AGTRAP: variants seen among roughly 807,000 people sequenced by gnomAD.
AGTRAP encodes the protein type-1 angiotensin II receptor-associated protein.
Under a neutral mutation model 15.2 loss-of-function variants are expected in AGTRAP, and 7 were observed. That is an observed-to-expected ratio of 0.46 (90% confidence interval 0.26 to 0.87). The LOEUF (loss-of-function observed/expected upper bound fraction) is 0.87. Ranked by LOEUF, AGTRAP falls within the 40% of genes least tolerant of loss-of-function variation. The probability of loss-of-function intolerance (pLI) is 0.15; values close to 1 mark genes in which losing one functional copy is unlikely to be tolerated. For missense variants in AGTRAP, 187 were observed against 213.4 expected (o/e 0.88, Z 0.77); for synonymous variants, 74 against 89.6 (o/e 0.83, Z 0.98).
chr1:11,736,608 C>G (rs1003278959), intron 1 of AGTRAP, among the ~76,000 whole-genome samples: 3 of 152,236 alleles, frequency 2.0e-5, no homozygotes, highest in Admixed American at 1.3e-4. Context: ...TCACCTCCCC[C>G]GCGCGGGGTC....
chr1:11,746,389 C>T, intron 2 of AGTRAP: 1 of 614,702 alleles, frequency 1.6e-6, no homozygotes, highest in Admixed American at 3.0e-5. Context: ...TATTCAAAGA[C>T]CTATTGAACC....
intron 1 of AGTRAP, among the ~76,000 whole-genome samples, chr1:11,737,046 T>A (rs1361062616): frequency 2.6e-5 from 4 of 152,204 alleles, no homozygotes; most frequent in African/African-American, 7.2e-5. Flanking sequence ...TGAGGCAATA[T>A]CCAGGAATGT....
intron 3 of AGTRAP, 39 bp downstream of exon 3, chr1:11,747,584 C>T (rs771971566): frequency 2.3e-5 from 37 of 1,597,806 alleles, no homozygotes; most frequent in East Asian, 2.0e-4. Context: ...GGCGGGGAGC[C>T]GCAGCACAGG....
In AGTRAP at chr1:11,738,494, A is replaced by G. The variant is rs1353139034; in HGVS notation, c.27+2259A>G. ...CTGGTGGTCTAGGAGGTAGTCGTGT[A>G]GCATTTGGGTTAAAAACTCAGTAAT... On this transcript the variant is annotated intron_variant, in intron 1 of 4. Coordinates refer to ENST00000314340, the MANE Select transcript of AGTRAP (RefSeq NM_020350.5). Among the ~76,000 whole-genome samples, 8 of 152,294 alleles carry G rather than the reference A, an allele frequency of 5.3e-5. No individual in the cohort carries two copies. In the South Asian group the frequency reaches 1.7e-3, roughly 32 times the overall value.
chr1:11,745,145 G>A lies in AGTRAP; in HGVS notation c.28-658G>A, dbSNP rs1458650561. ...GCTGGGATTACAGGTGTGATCCACCGCGCCCAGGCTGGTTGCCCATTTTTA... is the reference window on the plus strand; with the variant it reads ...GCTGGGATTACAGGTGTGATCCACCACGCCCAGGCTGGTTGCCCATTTTTA... On this transcript the variant is annotated intron_variant, in intron 1 of 4. Transcript: ENST00000314340. This position sits in a 1 kb window ranked among gnomAD's most constrained non-coding sequence, Gnocchi z 4.2. Among the ~76,000 whole-genome samples the A allele has an allele frequency of 1.3e-5, 2 of 149,652 alleles. No individual in the cohort carries two copies. The highest frequency in any genetic ancestry group is 6.6e-5 in the Admixed American group (1 of 15,088).
chr1:11,743,023 G>A (rs7418059), intron 1 of AGTRAP, among the ~76,000 whole-genome samples: 16,378 of 152,142 alleles, frequency 0.11, 1,282 homozygotes, highest in Non-Finnish European at 0.15. Context: ...TGACCACCAG[G>A]CCCGTTGAAG....
At position 11,745,477 on chromosome 1, in the gene AGTRAP, G is replaced by A. The variant is rs140581177; in HGVS notation, c.28-326G>A. On this transcript the variant is annotated intron_variant, in intron 1 of 4. Transcript: ENST00000314340. This position sits in a 1 kb window ranked among gnomAD's most constrained non-coding sequence, Gnocchi z 4.2. ...ACCATCTGGGAATGCAGCCCACTAG[G>A]TTTCAGCCTTATTTTACCCAGCTCC... Among the ~76,000 whole-genome samples the A allele has an allele frequency of 8.0e-4, 122 of 152,258 alleles. No individual in the cohort carries two copies. The highest frequency in any genetic ancestry group is 1.5e-3 in the Non-Finnish European group (102 of 68,020).
At position 11,748,498 on chromosome 1, in the gene AGTRAP, G is replaced by A. The variant is rs1375489379; in HGVS notation, c.252G>A (p.Thr84=). ...IFYPRVSLTD[T]GRFGVGMAIL... ...ACCCGCGGGTCAGCCTCACGGACAC[G>A]GGCCGCTTTGGCGTGGGCATGGCCA... The change falls in exon 4 of 5, where the codon ACG becomes ACA. Residue 84 remains threonine, a synonymous_variant. Coordinates refer to ENST00000314340, the MANE Select transcript of AGTRAP (RefSeq NM_020350.5). 9.3e-6 allele frequency: 15 copies of A among 1,613,222 alleles called. No individual in the cohort carries two copies. Among genetic ancestry groups the A allele is most frequent in the Non-Finnish European group, 1.1e-5 (13 of 1,180,024 alleles).
intron 1 of AGTRAP, among the ~76,000 whole-genome samples, chr1:11,743,629 C>T (rs1409303448): frequency 6.7e-5 from 10 of 149,502 alleles, no homozygotes; most frequent in South Asian, 4.2e-4. Context: ...TACAATGGCG[C>T]GATCTCGGCC....
At position 11,743,707 on chromosome 1, in the gene AGTRAP, C is replaced by T. The variant is rs544530722; in HGVS notation, c.28-2096C>T. 5.9e-5 allele frequency among the ~76,000 whole-genome samples: 9 copies of T among 152,030 alleles called. No homozygotes were observed. In the East Asian group the frequency reaches 1.2e-3, roughly 20 times the overall value. On this transcript the variant is annotated intron_variant, in intron 1 of 4. Transcript: ENST00000314340. ...TCAGCCTTCTGAGTGGCTGGGATTACAGGCATGTGCCACCATGCCCGGCTA... is the reference window on the plus strand; with the variant it reads ...TCAGCCTTCTGAGTGGCTGGGATTATAGGCATGTGCCACCATGCCCGGCTA...
At chr1:11,748,640 A>G in intron 4 of AGTRAP, 30 bp downstream of exon 4, 10 of 1,592,048 alleles carry the variant, frequency 6.3e-6, no homozygotes, top group Non-Finnish European at 8.5e-6. Context: ...CCAGCTCCTC[A>G]CCGCTCCCTT....
At chr1:11,747,913 A>G (rs17875948) in intron 3 of AGTRAP, among the ~76,000 whole-genome samples, 16,559 of 152,162 alleles carry the variant, frequency 0.11, 1,313 homozygotes, top group Non-Finnish European at 0.15. Context: ...AGACCCGGCC[A>G]AGAGGGCATT....
At chr1:11,740,484 T>C (rs1206426846) in intron 1 of AGTRAP, among the ~76,000 whole-genome samples, 2 of 152,230 alleles carry the variant, frequency 1.3e-5, no homozygotes, top group African/African-American at 2.4e-5. Flanking sequence ...ACTGTGTGTG[T>C]GCTAAGGATC....
intron 1 of AGTRAP, among the ~76,000 whole-genome samples, chr1:11,737,741 T>C (rs1401812612): frequency 6.6e-6 from 1 of 152,162 alleles, no homozygotes; most frequent in Non-Finnish European, 1.5e-5. Flanking sequence ...TTTGGGGCTT[T>C]TTTTGAGCAA....
chr1:11,748,590 G>C lies in AGTRAP; in HGVS notation c.344G>C (p.Gly115Ala). 6.2e-7 allele frequency: 1 copy of C among 1,608,278 alleles called. No individual in the cohort carries two copies. Among genetic ancestry groups the C allele is most frequent in the Non-Finnish European group, 8.5e-7 (1 of 1,179,946 alleles). The change falls in exon 4 of 5, where the codon GGT becomes GCT. Residue 115 changes from glycine to alanine, a missense_variant. Transcript: ENST00000314340. ...FVYHMYRERG[G>A]ELLVHTGFLG... ...TACCACATGTACCGGGAGCGCGGGGGTGAGCTCCTGGTCCACACTGGTGAG... is the reference window on the plus strand; with the variant it reads ...TACCACATGTACCGGGAGCGCGGGGCTGAGCTCCTGGTCCACACTGGTGAG...
At chr1:11,748,744 G>A (rs749916374) in intron 4 of AGTRAP, 134 bp downstream of exon 4, 372 of 1,065,622 alleles carry the variant, frequency 3.5e-4, no homozygotes, top group Non-Finnish European at 4.6e-4. Context: ...TGGCATGGGC[G>A]CTCTGTACTA....
intron 2 of AGTRAP, chr1:11,746,219 C>T: frequency 6.2e-7 from 1 of 1,607,134 alleles, no homozygotes; most frequent in Non-Finnish European, 8.5e-7. Flanking sequence ...CACAGGGCAA[C>T]AGCTGTGAGT....
Position 11,746,051 on chromosome 1 carries a change from C to T in AGTRAP, c.62+214C>T. On this transcript the variant is annotated intron_variant, in intron 2 of 4. Coordinates refer to ENST00000314340, the MANE Select transcript of AGTRAP (RefSeq NM_020350.5). ...ACGTGGAAGTGCTCATCAGAGCTCC[C>T]CAGGGCCTGCCCCACAGTGAGGCCT... The T allele has an allele frequency of 4.0e-6, 6 of 1,486,306 alleles. No homozygotes were observed. In the East Asian group the frequency reaches 9.1e-5, roughly 23 times the overall value. 92.1% of individuals were successfully genotyped at this position (1,486,306 alleles called of 1,614,324 possible).
chr1:11,744,412 A>C (rs913293124), intron 1 of AGTRAP: 2 of 582,796 alleles, frequency 3.4e-6, no homozygotes, highest in African/African-American at 3.8e-5. Context: ...CCCTCGTTGC[A>C]CTTGGCATGA....
Sources: allele counts gnomAD v4.1 joint callset (sites outside exome capture counted in the v4.1 genomes callset), GRCh38; gene constraint gnomAD v4.1.1; non-coding constraint Gnocchi (gnomAD v3.1); transcripts MANE v1.5; gene names NCBI Gene and HGNC (gene_info 2026-07-23, HGNC 2026-07-21).